The following GDAP1 variants were observed in gnomAD, a reference collection of about 807,000 sequenced individuals.
GDAP1 encodes ganglioside induced differentiation associated protein 1.
Under a neutral mutation model 40.1 loss-of-function variants are expected in GDAP1, and 34 were observed. The ratio of observed to expected loss-of-function variants is 0.85; its 90% confidence interval spans 0.64 to 1.13. GDAP1 has a LOEUF of 1.13. GDAP1 is among the 50% of genes most tolerant of loss of function. The pLI, the probability that GDAP1 is intolerant of heterozygous loss-of-function variation, is 0.00. For missense variants in GDAP1, 374 were observed against 433.7 expected (o/e 0.86, Z 1.22); for synonymous variants, 170 against 157.4 (o/e 1.08, Z -0.60).
chr8:74,407,173 T>C (rs1805651324), intron 2 of GDAP1, among the ~76,000 whole-genome samples: 1 of 150,008 alleles, frequency 6.7e-6, no homozygotes, highest in East Asian at 1.9e-4. Flanking sequence ...GGCTCACCTC[T>C]GTGATCCCAG....
At chr8:74,363,256 A>T (rs549461011) in intron 5 of GDAP1, among the ~76,000 whole-genome samples, 2 of 152,222 alleles carry the variant, frequency 1.3e-5, no homozygotes, top group South Asian at 4.1e-4. Context: ...TACGTGAAGG[A>T]TTTTTCTGCA....
chr8:74,459,875 A>G (rs959511597), intron 2 of GDAP1, among the ~76,000 whole-genome samples: 2 of 152,226 alleles, frequency 1.3e-5, no homozygotes, highest in Admixed American at 1.3e-4. Context: ...ACTTAAAATT[A>G]CAACCACATT....
At chr8:74,432,383 G>T (rs1158355852) in intron 2 of GDAP1, among the ~76,000 whole-genome samples, 2 of 151,910 alleles carry the variant, frequency 1.3e-5, no homozygotes, top group Non-Finnish European at 2.9e-5. Context: ...ATACAATAGT[G>T]CTGTTACCCT....
chr8:74,415,929 G>A (rs1459282508), intron 2 of GDAP1, among the ~76,000 whole-genome samples: 2 of 149,716 alleles, frequency 1.3e-5, no homozygotes, highest in Non-Finnish European at 2.9e-5. Context: ...CTCTAGTGGG[G>A]ATGATCCCCC....
At chr8:74,362,784 CTTTTTTT>C (rs1284434868) in intron 4 of GDAP1, among the ~76,000 whole-genome samples, 148 bp from the exon 5 acceptor site, 11 of 60,454 alleles carry the variant, frequency 1.8e-4, no homozygotes, top group South Asian at 7.1e-4. Flanking sequence ...CTCTCTCTCT[CTTTTTTT>C]TTTTTTTTTT....
At chr8:74,384,994 T>C (rs1810005008) in intron 2 of GDAP1, among the ~76,000 whole-genome samples, 1 of 152,088 alleles carries the variant, frequency 6.6e-6, no homozygotes, top group Non-Finnish European at 1.5e-5. Context: ...AAGCAAATAA[T>C]ATGGATGCTA....
At chr8:74,424,302 G>A (rs1038780979) in intron 2 of GDAP1, among the ~76,000 whole-genome samples, 4 of 152,008 alleles carry the variant, frequency 2.6e-5, no homozygotes, top group African/African-American at 7.2e-5. Context: ...GTCAATCCAC[G>A]CTGATTGAAT....
intron 2 of GDAP1, among the ~76,000 whole-genome samples, chr8:74,467,975 AT>A (rs60884845): frequency 0.015 from 2,187 of 149,174 alleles, 21 homozygotes; most frequent in Non-Finnish European, 0.022. Flanking sequence ...ATATAACCTG[AT>A]TTTTTTTTTC....
At chr8:74,472,591 C>A (rs1444436848) in intron 2 of GDAP1, among the ~76,000 whole-genome samples, 1 of 152,104 alleles carries the variant, frequency 6.6e-6, no homozygotes, top group African/African-American at 2.4e-5. Context: ...GCAACCTCAC[C>A]AGCATCTGTT....
chr8:74,377,726 A>G (rs1376697284), intron 2 of GDAP1, among the ~76,000 whole-genome samples: 2 of 152,238 alleles, frequency 1.3e-5, no homozygotes, highest in African/African-American at 4.8e-5. Context: ...TTTCTTGTAA[A>G]TTAAAAATTC....
At position 74,350,520 on chromosome 8, in the gene GDAP1, C is replaced by T. The variant is rs1409738900; in HGVS notation, c.59C>T (p.Ala20Val). The stretch of plus-strand genomic sequence containing the variant: ...CCGCCCTTGAGGGCGGAAGGCAAGG[C>T]CGACGCGGAGGTTAAGCTCATTCTG... ...GSPPLRAEGK[A>V]DAEVKLILYH... The change falls in exon 1 of 6, where the codon GCC (alanine) becomes GTC (valine). Residue 20 changes from alanine (A) to valine (V), a missense_variant. By Grantham distance (64) the Ala-to-Val change is moderately conservative. Coordinates refer to ENST00000220822, the MANE Select transcript of GDAP1 (RefSeq NM_018972.4). 1.9e-6 allele frequency: 3 copies of T among 1,613,592 alleles called. No homozygotes were observed. The African/African-American group carries it at 4.0e-5, about 22-fold the overall frequency.
intron 2 of GDAP1, among the ~76,000 whole-genome samples, chr8:74,406,412 C>T (rs1586824778): frequency 6.7e-6 from 1 of 150,242 alleles, no homozygotes; most frequent in East Asian, 1.9e-4. Context: ...CCTATAAACA[C>T]ACATGCACTT....
intron 2 of GDAP1, among the ~76,000 whole-genome samples, chr8:74,476,329 T>A (rs1806628634): frequency 6.6e-6 from 1 of 152,192 alleles, no homozygotes; most frequent in Non-Finnish European, 1.5e-5. Context: ...TGTTATTGTG[T>A]CATTAGCTGA....
At chr8:74,442,764 G>C (rs764872463) in intron 2 of GDAP1, among the ~76,000 whole-genome samples, 1 of 152,172 alleles carries the variant, frequency 6.6e-6, no homozygotes, top group Non-Finnish European at 1.5e-5. Flanking sequence ...TGCTACTGGA[G>C]AGGCAGTAGC....
chr8:74,359,493 CT>C (rs1480968574), intron 2 of GDAP1, among the ~76,000 whole-genome samples: 1 of 152,170 alleles, frequency 6.6e-6, no homozygotes, highest in Non-Finnish European at 1.5e-5. Context: ...GAAAGTGCAC[CT>C]GCGATATTTG....
intron 2 of GDAP1, 73 bp downstream of exon 2, chr8:74,351,539 C>G (rs1808876447): frequency 8.7e-6 from 9 of 1,038,068 alleles, no homozygotes; most frequent in South Asian, 2.5e-5. Flanking sequence ...CTCTTTTTCT[C>G]TCTCTCCTCT....
chr8:74,394,310 C>T (rs986233601), intron 2 of GDAP1, among the ~76,000 whole-genome samples: 4 of 152,132 alleles, frequency 2.6e-5, no homozygotes, highest in Admixed American at 1.3e-4. Context: ...TCCCATGACA[C>T]GTGGAAATTG....
intron 2 of GDAP1, among the ~76,000 whole-genome samples, chr8:74,460,095 A>C (rs1331387221): frequency 6.6e-6 from 1 of 152,192 alleles, no homozygotes; most frequent in Non-Finnish European, 1.5e-5. Context: ...CTATCCAATA[A>C]TTTGGGATGC....
chr8:74,450,561 G>T (rs1319409846), intron 2 of GDAP1, among the ~76,000 whole-genome samples: 1 of 151,602 alleles, frequency 6.6e-6, no homozygotes, highest in Non-Finnish European at 1.5e-5. Context: ...ACATTTCTCT[G>T]GTAGTATTTT....
Sources: gnomAD v4.1 joint callset for allele counts (sites outside exome capture counted in the v4.1 genomes callset) on GRCh38, gnomAD v4.1.1 for gene constraint, MANE v1.5 for transcripts, NCBI Gene and HGNC (gene_info 2026-07-23, HGNC 2026-07-21) for gene names.